Variants in RALYL observed in about 807,000 individuals in gnomAD.
RALYL encodes RALY RNA binding protein like, also known as RNA-binding Raly-like protein.
RALYL carries 29 observed loss-of-function variants against 35.1 expected under a neutral mutation model. The ratio of observed to expected loss-of-function variants is 0.83; its 90% confidence interval spans 0.61 to 1.13. RALYL has a LOEUF of 1.13. RALYL is among the 50% of genes most tolerant of loss of function. The probability of loss-of-function intolerance (pLI) is 0.00; values close to 1 mark genes in which losing one functional copy is unlikely to be tolerated. For synonymous variants in RALYL, 120 were observed against 127.6 expected, an observed-to-expected ratio of 0.94 and a Z score of 0.40; for missense variants, 359 against 360.4, an observed-to-expected ratio of 1.00 and a Z score of 0.03.
At chr8:84,681,593 C>A (rs1461150527) in intron 2 of RALYL, among the ~76,000 whole-genome samples, 2 of 152,162 alleles carry the variant, frequency 1.3e-5, no homozygotes, top group Non-Finnish European at 2.9e-5. Context: ...GTATTTTATT[C>A]TCTTTGAAGC....
chr8:84,278,968 A>G (rs1835976008), intron 1 of RALYL, among the ~76,000 whole-genome samples: 2 of 152,142 alleles, frequency 1.3e-5, no homozygotes, highest in Non-Finnish European at 1.5e-5. Flanking sequence ...CCTGGTACCA[A>G]TTTACTGTAT....
intron 1 of RALYL, among the ~76,000 whole-genome samples, chr8:84,196,687 T>C (rs1586087688): frequency 6.6e-6 from 1 of 152,202 alleles, no homozygotes; most frequent in South Asian, 2.1e-4. Context: ...GGCTATGTCA[T>C]GTTTTCAAAC....
chr8:84,697,272 A>G (rs1839331387), intron 2 of RALYL, among the ~76,000 whole-genome samples: 2 of 152,058 alleles, frequency 1.3e-5, no homozygotes, highest in South Asian at 4.1e-4. Flanking sequence ...ATTACTTATC[A>G]TAGTATTGGT....
chr8:84,891,808 C>A (rs79816450), intron 8 of RALYL, among the ~76,000 whole-genome samples: 7,544 of 152,210 alleles, frequency 0.05, 608 homozygotes, highest in African/African-American at 0.17. Flanking sequence ...ACCAAACCAT[C>A]CTTGGTTCCC....
chr8:84,792,837 A>T (rs1821114119), intron 3 of RALYL, among the ~76,000 whole-genome samples: 1 of 152,220 alleles, frequency 6.6e-6, no homozygotes, highest in South Asian at 2.1e-4. Context: ...GTACTCTTCA[A>T]ACCTGGATTG....
chr8:84,644,620 C>T (rs1198211451), intron 2 of RALYL, among the ~76,000 whole-genome samples: 22 of 152,008 alleles, frequency 1.4e-4, no homozygotes, highest in African/African-American at 7.2e-5. Context: ...TTAAATTCTA[C>T]TTTATCTGCA....
chr8:84,433,139 G>A (rs2047322380), intron 1 of RALYL, among the ~76,000 whole-genome samples: 1 of 152,138 alleles, frequency 6.6e-6, no homozygotes, highest in Non-Finnish European at 1.5e-5. Flanking sequence ...CACTTCCTGT[G>A]TGTAATTTGC....
intron 2 of RALYL, among the ~76,000 whole-genome samples, chr8:84,723,684 G>A (rs1016833593): frequency 3.3e-5 from 5 of 151,778 alleles, no homozygotes; most frequent in South Asian, 2.1e-4. Context: ...TTTAGAAAAG[G>A]AATGTTGTCA....
At chr8:84,774,114 G>C (rs1816254505) in intron 2 of RALYL, among the ~76,000 whole-genome samples, 1 of 152,158 alleles carries the variant, frequency 6.6e-6, no homozygotes, top group Non-Finnish European at 1.5e-5. Context: ...AGCTACTTCA[G>C]AGGCAGAGGA....
intron 1 of RALYL, among the ~76,000 whole-genome samples, chr8:84,484,820 A>G (rs1654893475): frequency 1.3e-5 from 2 of 152,166 alleles, no homozygotes; most frequent in African/African-American, 4.8e-5. Flanking sequence ...CTTAAACTAA[A>G]CAAGAAACTA....
intron 4 of RALYL, among the ~76,000 whole-genome samples, chr8:84,834,273 G>C (rs1161613534): frequency 6.6e-6 from 1 of 152,180 alleles, no homozygotes; most frequent in African/African-American, 2.4e-5. Context: ...GGAATAGAAA[G>C]TGCTTGGAAC....
At chr8:84,710,985 G>C (rs966428713) in intron 2 of RALYL, among the ~76,000 whole-genome samples, 2 of 152,118 alleles carry the variant, frequency 1.3e-5, no homozygotes, top group African/African-American at 2.4e-5. Context: ...GGAATGTGGA[G>C]TGAGGAATTT....
At chr8:84,268,501 T>A (rs1253504705) in intron 1 of RALYL, among the ~76,000 whole-genome samples, 4 of 152,224 alleles carry the variant, frequency 2.6e-5, no homozygotes, top group Non-Finnish European at 1.5e-5. Context: ...GTAATATTAA[T>A]AAGAAAGAGT....
At chr8:84,619,223 C>G (rs1177073967) in intron 2 of RALYL, among the ~76,000 whole-genome samples, 1 of 151,704 alleles carries the variant, frequency 6.6e-6, no homozygotes, top group Admixed American at 6.6e-5. Context: ...TAATGTGTGG[C>G]AGTCCAAGTC....
intron 1 of RALYL, among the ~76,000 whole-genome samples, chr8:84,269,699 C>T (rs951993125): frequency 6.6e-5 from 10 of 151,950 alleles, no homozygotes; most frequent in Non-Finnish European, 1.2e-4. Context: ...GAAAGATCAT[C>T]AACTCTGAGT....
At chr8:84,354,900 T>G (rs544036771) in intron 1 of RALYL, among the ~76,000 whole-genome samples, 1 of 150,522 alleles carries the variant, frequency 6.6e-6, no homozygotes, top group South Asian at 2.1e-4. Context: ...CCTGGGTAAA[T>G]GTACCACCTT....
chr8:84,860,698 C>T (rs1223938388), intron 5 of RALYL, among the ~76,000 whole-genome samples: 1 of 152,294 alleles, frequency 6.6e-6, no homozygotes, highest in East Asian at 1.9e-4. Flanking sequence ...CTCTAATGGA[C>T]TTTGCTTAGT....
At chr8:84,685,094 T>C (rs1289564329) in intron 2 of RALYL, among the ~76,000 whole-genome samples, 2 of 152,144 alleles carry the variant, frequency 1.3e-5, no homozygotes, top group African/African-American at 4.8e-5. Flanking sequence ...TGACCTCGTC[T>C]AACTCATTAC....
At chr8:84,663,618 C>T (rs367803031) in intron 2 of RALYL, among the ~76,000 whole-genome samples, 1 of 152,042 alleles carries the variant, frequency 6.6e-6, no homozygotes, top group East Asian at 1.9e-4. Flanking sequence ...TGCATGTCTT[C>T]TTTTGAGAAG....
Sources: gnomAD v4.1 joint callset for allele counts (sites outside exome capture counted in the v4.1 genomes callset) on GRCh38, gnomAD v4.1.1 for gene constraint, MANE v1.5 for transcripts, NCBI Gene and HGNC (gene_info 2026-07-23, HGNC 2026-07-21) for gene names.